The following TTC7A variants were observed in gnomAD, a reference collection of about 807,000 sequenced individuals.
TTC7A encodes tetratricopeptide repeat domain 7A.
In TTC7A, 110 loss-of-function variants were observed where a neutral mutation model predicts 103.7. The ratio of observed to expected loss-of-function variants is 1.06; its 90% CI spans 0.91 to 1.24. The LOEUF (loss-of-function observed/expected upper bound fraction) is 1.24, where lower values mean the gene tolerates loss of function less well. Ranked by LOEUF, TTC7A falls within the 50% of genes most tolerant of loss-of-function variation. TTC7A has a pLI of 0.00. For synonymous variants in TTC7A, 521 were observed against 467.9 expected (o/e 1.11, Z -1.47); for missense variants, 1,340 against 1,116.3 (o/e 1.20, Z -2.86).
chr2:47,026,430 G>T (rs1220951283), intron 14 of TTC7A, among the ~76,000 whole-genome samples: 2 of 152,190 alleles, frequency 1.3e-5, no homozygotes, highest in African/African-American at 4.8e-5. Flanking sequence ...TGGCACTGGT[G>T]CCCACAGCCT....
chr2:46,962,905 C>T (rs545853300), intron 3 of TTC7A, among the ~76,000 whole-genome samples: 2 of 152,362 alleles, frequency 1.3e-5, no homozygotes, highest in East Asian at 1.9e-4. Flanking sequence ...CTCTACAGCT[C>T]CTTAAAACTC....
intron 1 of TTC7A, among the ~76,000 whole-genome samples, chr2:46,944,248 T>C (rs1028572240): frequency 3.9e-5 from 6 of 152,182 alleles, no homozygotes; most frequent in Non-Finnish European, 5.9e-5. Context: ...ATGAGTCCCT[T>C]GTATCCATCA....
chr2:47,023,324 C>G, intron 12 of TTC7A, 84 bp from the exon 13 acceptor site: 1 of 1,437,534 alleles, frequency 7.0e-7, no homozygotes, highest in Non-Finnish European at 9.7e-7. Flanking sequence ...ATCTGCAGAG[C>G]TGTGTGCTTT....
chr2:46,987,281 C>T (rs899746957), intron 5 of TTC7A, among the ~76,000 whole-genome samples: 27 of 152,200 alleles, frequency 1.8e-4, no homozygotes, highest in Admixed American at 4.6e-4. Flanking sequence ...TTTGGGGAGG[C>T]GGGCAATGGC....
At chr2:46,962,456 A>G (rs1672468964) in intron 3 of TTC7A, among the ~76,000 whole-genome samples, 1 of 152,078 alleles carries the variant, frequency 6.6e-6, no homozygotes, top group Admixed American at 6.5e-5. Flanking sequence ...CCCACCTCCC[A>G]CAGGAGGAAG....
intron 3 of TTC7A, among the ~76,000 whole-genome samples, chr2:46,969,172 A>G (rs1455865890): frequency 1.3e-5 from 2 of 150,600 alleles, no homozygotes; most frequent in East Asian, 2.0e-4. Flanking sequence ...TTTTTAAGTA[A>G]TTCATTTGTG....
intron 8 of TTC7A, among the ~76,000 whole-genome samples, chr2:47,005,355 C>T (rs570786554): frequency 8.7e-4 from 133 of 152,276 alleles, no homozygotes; most frequent in African/African-American, 3.0e-3. Context: ...GCCACCTACC[C>T]AATCCAGGCA....
intron 5 of TTC7A, among the ~76,000 whole-genome samples, chr2:46,992,512 G>C (rs1427293247): frequency 6.6e-6 from 1 of 152,228 alleles, no homozygotes; most frequent in Admixed American, 6.5e-5. Context: ...ATTCAGAAAG[G>C]ACTTGCTTGA....
At chr2:46,954,181 C>T (rs1185920360) in intron 2 of TTC7A, among the ~76,000 whole-genome samples, 4 of 152,182 alleles carry the variant, frequency 2.6e-5, no homozygotes, top group Non-Finnish European at 4.4e-5. Flanking sequence ...TTTCCTCATC[C>T]GTTCTTTCCT....
At chr2:47,062,021 A>G (rs1467659231) in intron 19 of TTC7A, among the ~76,000 whole-genome samples, 3 of 152,260 alleles carry the variant, frequency 2.0e-5, no homozygotes, top group Admixed American at 1.3e-4. Context: ...TAGAGAGCAC[A>G]GAGGCATCAG....
chr2:46,997,286 C>T (rs946029521), intron 8 of TTC7A, among the ~76,000 whole-genome samples: 5 of 152,026 alleles, frequency 3.3e-5, no homozygotes, highest in Non-Finnish European at 5.9e-5. Context: ...GCCTAAACAC[C>T]GGTTATTTTG....
At chr2:47,048,001 CAG>C (rs1427118765) in intron 16 of TTC7A, among the ~76,000 whole-genome samples, 3 of 152,194 alleles carry the variant, frequency 2.0e-5, no homozygotes, top group Non-Finnish European at 4.4e-5. Context: ...ATTAAGACCA[CAG>C]CCTGCAGGTC....
chr2:47,066,990 G>A (rs1326692118), intron 19 of TTC7A, among the ~76,000 whole-genome samples: 1 of 152,236 alleles, frequency 6.6e-6, no homozygotes, highest in Non-Finnish European at 1.5e-5. Flanking sequence ...TCATCCCATG[G>A]CGGAAGGTGG....
At chr2:47,024,163 TG>T in intron 13 of TTC7A, 123 bp from the exon 14 acceptor site, 1 of 821,890 alleles carries the variant, frequency 1.2e-6, no homozygotes, top group Non-Finnish European at 1.8e-6. Context: ...AGGCAGAGCC[TG>T]GCAGAATCCC....
chr2:46,957,910 G>A (rs149654215), intron 3 of TTC7A, among the ~76,000 whole-genome samples: 1 of 152,258 alleles, frequency 6.6e-6, no homozygotes, highest in East Asian at 1.9e-4. Flanking sequence ...GGCATTTGTA[G>A]ACTATGTGAC....
chr2:46,999,668 G>A (rs961524352), intron 8 of TTC7A: 35 of 985,282 alleles, frequency 3.6e-5, no homozygotes, highest in African/African-American at 7.0e-5. Context: ...GTAAATTCTT[G>A]TTTTTGAAAG....
intron 1 of TTC7A, among the ~76,000 whole-genome samples, chr2:46,948,848 T>C (rs1273750165): frequency 6.6e-6 from 1 of 152,208 alleles, no homozygotes; most frequent in Non-Finnish European, 1.5e-5. Context: ...CCTGTAGATC[T>C]GAGAACACTG....
At chr2:46,918,954 G>C (rs1280277080) in intron 2 of TTC7A, among the ~76,000 whole-genome samples, 1 of 152,204 alleles carries the variant, frequency 6.6e-6, no homozygotes, top group Non-Finnish European at 1.5e-5. Flanking sequence ...TTTACTTTGT[G>C]TACTCAGGTT....
At chr2:47,038,837 G>T (rs1200701563) in intron 15 of TTC7A, among the ~76,000 whole-genome samples, 1 of 151,892 alleles carries the variant, frequency 6.6e-6, no homozygotes, top group African/African-American at 2.4e-5. Context: ...AGTGTTCCAG[G>T]CCTTGGTGAG....
Sources: allele counts gnomAD v4.1 joint callset (sites outside exome capture counted in the v4.1 genomes callset), GRCh38; gene constraint gnomAD v4.1.1; transcripts MANE v1.5; gene names NCBI Gene and HGNC (gene_info 2026-07-23, HGNC 2026-07-21).